The following SLC6A4 variants were observed in gnomAD, a reference collection of about 807,000 sequenced individuals.
SLC6A4 encodes the protein solute carrier family 6 member 4, also known as sodium-dependent serotonin transporter.
SLC6A4 carries 22 observed loss-of-function variants against 73.4 expected under a neutral mutation model. The ratio of observed to expected loss-of-function variants is 0.30; its 90% confidence interval spans 0.21 to 0.43. The LOEUF is 0.43. Ranked by LOEUF, SLC6A4 falls within the 20% of genes least tolerant of loss-of-function variation. SLC6A4 has a pLI of 1.00. For synonymous variants in SLC6A4, 270 were observed against 315.5 expected (o/e 0.86, Z 1.53); for missense variants, 593 against 808.5 (o/e 0.73, Z 3.23).
At chr17:30,204,982 T>G (rs1279675479) in intron 13 of SLC6A4, among the ~76,000 whole-genome samples, 2 of 152,112 alleles carry the variant, frequency 1.3e-5, no homozygotes, top group South Asian at 2.1e-4. Context: ...ATGGAGGCAC[T>G]CACCTCAGGC....
Position 30,212,731 on chromosome 17 carries a change from A to G in SLC6A4, c.1204+9T>C. The G allele has an allele frequency of 6.2e-7, 1 of 1,613,996 alleles. No individual in the cohort carries two copies. The highest frequency in any genetic ancestry group is 8.5e-7 in the Non-Finnish European group (1 of 1,179,810). ...GAGCAAGGGACCTGCATAGAACCCGAGGTCCTACCTGCGTCTTTGGCCACC... is the reference window on the plus strand; with the variant it reads ...GAGCAAGGGACCTGCATAGAACCCGGGGTCCTACCTGCGTCTTTGGCCACC... On this transcript the variant is annotated intron_variant, in intron 9 of 14. Transcript: ENST00000650711.
At chr17:30,204,535 A>T (rs1471106715) in intron 13 of SLC6A4, 1 of 152,146 alleles carries the variant, frequency 6.6e-6, no homozygotes, top group Non-Finnish European at 1.5e-5. Flanking sequence ...TCTTAATGTC[A>T]GGTGTGTGAA....
At chr17:30,232,336 T>C (rs2143016733) in intron 1 of SLC6A4, among the ~76,000 whole-genome samples, 1 of 152,324 alleles carries the variant, frequency 6.6e-6, no homozygotes, top group African/African-American at 2.4e-5. Context: ...TAACCCCTCC[T>C]GTCACCTCTT....
At chr17:30,199,460 G>C (rs1453961120) in intron 14 of SLC6A4, among the ~76,000 whole-genome samples, 2 of 152,158 alleles carry the variant, frequency 1.3e-5, no homozygotes, top group East Asian at 1.9e-4. Flanking sequence ...CTGATCTTTA[G>C]GTGAAGTTCT....
Position 30,212,536 on chromosome 17 carries a change from A to C in SLC6A4, c.1204+204T>G, listed in dbSNP as rs58717683. Among the ~76,000 whole-genome samples, 3 of 152,242 alleles carry C rather than the reference A, an allele frequency of 2.0e-5. No individual in the cohort carries two copies. In the East Asian group the frequency reaches 5.8e-4, roughly 29 times the overall value. Reference sequence around the variant, plus strand: ...TGAGTAGCTGGGACTATAGGTGTGCACTACCATGCCCAGCTCATTTATTTT... The same window carrying C: ...TGAGTAGCTGGGACTATAGGTGTGCCCTACCATGCCCAGCTCATTTATTTT... On this transcript the variant is annotated intron_variant, in intron 9 of 14. Transcript: ENST00000650711.
At chr17:30,225,703 T>C (rs1328537242) in intron 1 of SLC6A4, among the ~76,000 whole-genome samples, 1 of 151,930 alleles carries the variant, frequency 6.6e-6, no homozygotes, top group Admixed American at 6.6e-5. Context: ...AGGCTGAGGG[T>C]GGTGCCGTGG....
Position 30,211,462 on chromosome 17 carries a change from G to T in SLC6A4, c.1205-38C>A. 7.8e-7 allele frequency: 1 copy of T among 1,274,296 alleles called. No individual in the cohort carries two copies. Among genetic ancestry groups the T allele is most frequent in the Non-Finnish European group, 1.1e-6 (1 of 871,010 alleles). The allele number at this position is 1,274,296 out of a possible 1,614,324, so 78.9% of individuals were successfully genotyped here. ...GGAGAGAGGAGGAGGTGGTTGACAA[G>T]ACCTGTCCTACAAAGATGTCACAGA... On this transcript the variant is annotated intron_variant, in intron 9 of 14. Coordinates refer to ENST00000650711, the MANE Select transcript of SLC6A4 (RefSeq NM_001045.6). The surrounding 1 kb of genome is among the most constrained non-coding windows in gnomAD (Gnocchi z 4.0).
chr17:30,229,351 G>A (rs963092194), intron 1 of SLC6A4, among the ~76,000 whole-genome samples: 4 of 152,116 alleles, frequency 2.6e-5, no homozygotes, highest in Admixed American at 6.5e-5. Context: ...CATCTGAAAC[G>A]AAAGCTGTAG....
chr17:30,224,259 C>T (rs1489779426), intron 1 of SLC6A4, among the ~76,000 whole-genome samples: 2 of 151,298 alleles, frequency 1.3e-5, no homozygotes, highest in Non-Finnish European at 2.9e-5. Flanking sequence ...TGCTCTGTTG[C>T]CCAGGCTGGT....
At position 30,218,100 on chromosome 17, in the gene SLC6A4, T is replaced by TCACTTACGTG; in HGVS notation, c.698+8_698+17dup. ...GGCCTGCCCCTAACAGGCCAACCCC[T>TCACTTACGTG]CACTTACGTGCACTTACGTGTAAAA... On this transcript the variant is annotated intron_variant, in intron 5 of 14. Transcript: ENST00000650711. The TCACTTACGTG allele has an allele frequency of 1.1e-5, 17 of 1,609,888 alleles. No homozygotes were observed. The highest frequency in any genetic ancestry group is 8.9e-5 in the East Asian group (4 of 44,850).
In SLC6A4 at chr17:30,232,576, C is replaced by T. The variant is rs888152132; in HGVS notation, c.-221+3037G>A. 8.5e-5 allele frequency among the ~76,000 whole-genome samples: 13 copies of T among 152,304 alleles called. 1 individual carries two copies. In the South Asian group the frequency reaches 2.1e-3, roughly 24 times the overall value. ...TGTGGCTTAAATCCCATTAACAAATCCCCTTGGTTCAGGGTTGGGATGGAA... is the reference window on the plus strand; with the variant it reads ...TGTGGCTTAAATCCCATTAACAAATTCCCTTGGTTCAGGGTTGGGATGGAA... On this transcript the variant is annotated intron_variant, in intron 1 of 14. Transcript: ENST00000650711.
chr17:30,201,920 T>C (rs1336820275), intron 14 of SLC6A4, among the ~76,000 whole-genome samples: 1 of 151,984 alleles, frequency 6.6e-6, no homozygotes, highest in Non-Finnish European at 1.5e-5. Flanking sequence ...CTGGGCAACA[T>C]AGTGAGATCT....
At chr17:30,215,457 G>C (rs1414541779) in intron 8 of SLC6A4, among the ~76,000 whole-genome samples, 154 bp downstream of exon 8, 1 of 152,206 alleles carries the variant, frequency 6.6e-6, no homozygotes, top group Non-Finnish European at 1.5e-5. Context: ...CCATGGGTGA[G>C]CTGGTCAGGG....
chr17:30,205,574 A>G (rs1906166883), intron 13 of SLC6A4, among the ~76,000 whole-genome samples: 1 of 152,194 alleles, frequency 6.6e-6, no homozygotes, highest in African/African-American at 2.4e-5. Flanking sequence ...CGCATTTTAA[A>G]TGTGCCTAAA....
At chr17:30,214,027 T>G (rs55688053) in intron 8 of SLC6A4, among the ~76,000 whole-genome samples, 1,871 of 152,272 alleles carry the variant, frequency 0.012, 41 homozygotes, top group African/African-American at 0.043. Flanking sequence ...GATTACAGGT[T>G]TGAGCAACTG....
chr17:30,215,803 T>A, intron 7 of SLC6A4, 89 bp from the exon 8 acceptor site: 1 of 1,153,264 alleles, frequency 8.7e-7, no homozygotes, highest in Non-Finnish European at 1.3e-6. Context: ...TGCCTCCATG[T>A]GGCTAAGTGC....
chr17:30,207,979 A>C (rs1906260981), intron 12 of SLC6A4, 147 bp from the exon 13 acceptor site: 3 of 621,336 alleles, frequency 4.8e-6, no homozygotes, highest in African/African-American at 3.7e-5. Flanking sequence ...CCTACCCCGG[A>C]CACACAGGGT....
At chr17:30,229,614 A>G (rs1177658807) in intron 1 of SLC6A4, among the ~76,000 whole-genome samples, 1 of 152,036 alleles carries the variant, frequency 6.6e-6, no homozygotes, top group African/African-American at 2.4e-5. Flanking sequence ...AGATCTCGCT[A>G]TGTTGCCCAG....
At chr17:30,214,422 C>CAAAAAAAAAAAAAAAAAAAAAGAAAAAA in intron 8 of SLC6A4, among the ~76,000 whole-genome samples, 1 of 79,534 alleles carries the variant, frequency 1.3e-5, no homozygotes, top group Non-Finnish European at 2.2e-5. Context: ...AACTCCGTCT[C>CAAAAAAAAAAAAAAAAAAAAAGAAAAAA]AAAAAAAAAA....
Sources: gnomAD v4.1 joint callset for allele counts (sites outside exome capture counted in the v4.1 genomes callset) on GRCh38, gnomAD v4.1.1 for gene constraint, Gnocchi (gnomAD v3.1) non-coding constraint, MANE v1.5 for transcripts, NCBI Gene and HGNC (gene_info 2026-07-23, HGNC 2026-07-21) for gene names.